Variants in DLGAP1 observed in about 807,000 individuals in gnomAD.
The protein encoded by DLGAP1 is disks large-associated protein 1.
In DLGAP1, 11 loss-of-function variants were observed where a neutral mutation model predicts 90.8. The ratio of observed to expected loss-of-function variants is 0.12; its 90% confidence interval spans 0.08 to 0.20. The LOEUF (loss-of-function observed/expected upper bound fraction) is 0.20, where lower values mean the gene tolerates loss of function less well. DLGAP1 is among the 10% of genes least tolerant of loss of function. The pLI is 1.00. For missense variants in DLGAP1, 1,050 were observed against 1,333.8 expected, an observed-to-expected ratio of 0.79 and a Z score of 3.31; for synonymous variants, 558 against 540.7, an observed-to-expected ratio of 1.03 and a Z score of -0.44.
At chr18:3,721,964 T>C (rs2061999395) in intron 7 of DLGAP1, 1 of 152,212 alleles carries the variant, frequency 6.6e-6, no homozygotes, top group Non-Finnish European at 1.5e-5. Context: ...AAATAATAAG[T>C]GCTTAAAGGT....
rs565241264 is a variant in DLGAP1 at position 4,017,805 on chromosome 18, A to G, written c.-158-12604T>C. ...CCAGTTATCAATGTTTGCTTTGCCG[A>G]TTAGTGAAACAATCTACCAGTAAGT... On this transcript the variant is annotated intron_variant, in intron 2 of 12. Transcript: ENST00000315677. 7.7e-4 allele frequency among the ~76,000 whole-genome samples: 117 copies of G among 152,260 alleles called. 3 individuals are homozygous for G. In the East Asian group the frequency reaches 0.021, roughly 28 times the overall value.
intron 3 of DLGAP1, among the ~76,000 whole-genome samples, chr18:3,972,902 A>C (rs2149008447): frequency 6.6e-6 from 1 of 152,346 alleles, no homozygotes; most frequent in Admixed American, 6.5e-5. Context: ...AGAGACCCAA[A>C]GAATAAGCCC....
chr18:3,921,156 T>TA (rs2072261419), intron 3 of DLGAP1, among the ~76,000 whole-genome samples: 1 of 152,240 alleles, frequency 6.6e-6, no homozygotes, highest in African/African-American at 2.4e-5. Flanking sequence ...GAAAGAAAAT[T>TA]AAACCAGGAA....
At chr18:4,191,096 C>T (rs932133689) in intron 1 of DLGAP1, among the ~76,000 whole-genome samples, 6 of 152,002 alleles carry the variant, frequency 3.9e-5, no homozygotes, top group African/African-American at 4.8e-5. Flanking sequence ...CATTCATGGA[C>T]GTATACCTGA....
In DLGAP1 at chr18:3,846,043, G is replaced by GGTGTGTGTGTGTGTGTGTGTGTGT. The variant is rs35460885; in HGVS notation, c.958-31794_958-31771dup. The stretch of plus-strand genomic sequence containing the variant: ...TCCCAGAAAATCTTATTGAAAGTGT[G>GGTGTGTGTGTGTGTGTGTGTGTGT]GTGTGTGTGTGTGTGTGTGTGTGTG... On this transcript the variant is annotated intron_variant, in intron 4 of 12. Transcript: ENST00000315677. Among the ~76,000 whole-genome samples, 10 of 145,024 alleles carry GGTGTGTGTGTGTGTGTGTGTGTGT rather than the reference G, an allele frequency of 6.9e-5. No homozygotes were observed. In the East Asian group the frequency reaches 1.4e-3, roughly 21 times the overall value.
chr18:4,093,027 G>C (rs941138159), intron 2 of DLGAP1, among the ~76,000 whole-genome samples: 7 of 152,182 alleles, frequency 4.6e-5, no homozygotes, highest in African/African-American at 1.7e-4. Flanking sequence ...CAGGCTACTT[G>C]TTTACGTGTG....
intron 5 of DLGAP1, among the ~76,000 whole-genome samples, chr18:3,789,478 G>T (rs760021775): frequency 3.8e-4 from 58 of 152,202 alleles, no homozygotes; most frequent in Non-Finnish European, 7.3e-4. Flanking sequence ...AGATGAATCT[G>T]CAAGGGTGGA....
intron 1 of DLGAP1, among the ~76,000 whole-genome samples, chr18:4,243,365 C>T (rs1243241313): frequency 8.5e-6 from 1 of 117,304 alleles, no homozygotes; most frequent in Non-Finnish European, 2.0e-5. Context: ...GGTGGACTGA[C>T]CACGGATGGG....
intron 1 of DLGAP1, among the ~76,000 whole-genome samples, chr18:4,387,207 A>G (rs2082247300): frequency 6.6e-6 from 1 of 152,198 alleles, no homozygotes; most frequent in East Asian, 1.9e-4. Context: ...ATCAGTCAAG[A>G]GGCATTTATT....
At chr18:4,018,116 T>C (rs1281068071) in intron 2 of DLGAP1, among the ~76,000 whole-genome samples, 2 of 152,214 alleles carry the variant, frequency 1.3e-5, no homozygotes, top group Admixed American at 6.5e-5. Flanking sequence ...AGATTGGCTA[T>C]GACAAGTGAT....
chr18:3,856,753 C>T (rs1180878508), intron 4 of DLGAP1, among the ~76,000 whole-genome samples: 5 of 151,798 alleles, frequency 3.3e-5, no homozygotes, highest in South Asian at 2.1e-4. Context: ...CCCAGCTACT[C>T]GGGAGGCTGA....
rs149290913 is a variant in DLGAP1, at chr18:4,016,750, C to T, written c.-158-11549G>A. On this transcript the variant is annotated intron_variant, in intron 2 of 12. Coordinates refer to ENST00000315677, the MANE Select transcript of DLGAP1 (RefSeq NM_004746.4). ...GATACTTCTACCTGCGAGGCTCCAG[C>T]GGAGTCAGCACTGCAAGGGAGAAGG... 7.2e-4 allele frequency among the ~76,000 whole-genome samples: 109 copies of T among 152,300 alleles called. No homozygotes were observed. In the South Asian group the frequency reaches 0.012, roughly 17 times the overall value.
At chr18:3,860,689 C>T (rs1170091050) in intron 4 of DLGAP1, among the ~76,000 whole-genome samples, 1 of 152,072 alleles carries the variant, frequency 6.6e-6, no homozygotes, top group Non-Finnish European at 1.5e-5. Flanking sequence ...CCCATGATCT[C>T]CACCTCCTGG....
chr18:3,701,507 G>A (rs2061278585), intron 7 of DLGAP1, among the ~76,000 whole-genome samples: 1 of 152,190 alleles, frequency 6.6e-6, no homozygotes, highest in Non-Finnish European at 1.5e-5. Flanking sequence ...AGAAGGATTC[G>A]ACCCATGCTT....
chr18:3,842,566 C>T (rs11873190), intron 4 of DLGAP1, among the ~76,000 whole-genome samples: 45,922 of 150,606 alleles, frequency 0.3, 7,076 homozygotes, highest in African/African-American at 0.36. Flanking sequence ...GAGAAGTGGA[C>T]AGAAATAAGA....
In DLGAP1 at chr18:3,639,912, A is replaced by C. The variant is rs7229019; in HGVS notation, c.1592-57664T>G. Among the ~76,000 whole-genome samples the C allele has an allele frequency of 2.1e-5, 3 of 141,490 alleles. No individual in the cohort carries two copies. In the East Asian group the frequency reaches 5.9e-4, roughly 28 times the overall value. 92.8% of individuals were successfully genotyped at this position (141,490 alleles called of 152,430 possible). Reference sequence around the variant, plus strand: ...TGGGACTACAGGCGCCCGCCACCACACCCGGCTAATTTTTTGTATTTTTAG... The same window carrying C: ...TGGGACTACAGGCGCCCGCCACCACCCCCGGCTAATTTTTTGTATTTTTAG... On this transcript the variant is annotated intron_variant, in intron 7 of 12. Transcript: ENST00000315677.
intron 10 of DLGAP1, among the ~76,000 whole-genome samples, chr18:3,508,883 A>G (rs533864945): frequency 6.6e-6 from 1 of 152,256 alleles, no homozygotes; most frequent in African/African-American, 2.4e-5. Flanking sequence ...TTGGAAAAAC[A>G]CATGCTCCTC....
intron 5 of DLGAP1, among the ~76,000 whole-genome samples, chr18:3,756,707 T>C (rs1421994307): frequency 1.3e-5 from 2 of 151,750 alleles, no homozygotes; most frequent in East Asian, 1.9e-4. Flanking sequence ...ATCAATACTT[T>C]AGCAAGATTA....
chr18:4,006,492 C>T (rs1045579436), intron 2 of DLGAP1, among the ~76,000 whole-genome samples: 3 of 151,082 alleles, frequency 2.0e-5, no homozygotes, highest in Admixed American at 1.3e-4. Flanking sequence ...TTGATAAGAA[C>T]AGAGGTCACT....
Sources: allele counts gnomAD v4.1 joint callset (sites outside exome capture counted in the v4.1 genomes callset), GRCh38; gene constraint gnomAD v4.1.1; transcripts MANE v1.5; gene names NCBI Gene and HGNC (gene_info 2026-07-23, HGNC 2026-07-21).